The following HNRNPH1 variants were observed in gnomAD, a reference collection of about 807,000 sequenced individuals.
HNRNPH1 encodes the protein heterogeneous nuclear ribonucleoprotein H1, also known as heterogeneous nuclear ribonucleoprotein H.
HNRNPH1 carries 4 observed loss-of-function variants against 58.6 expected under a neutral mutation model. The ratio of observed to expected loss-of-function variants is 0.07; its 90% CI spans 0.03 to 0.16. The LOEUF is 0.16. Ranked by LOEUF, HNRNPH1 falls within the 10% of genes least tolerant of loss-of-function variation. The pLI is 1.00. For synonymous variants in HNRNPH1, 192 were observed against 189.2 expected, an observed-to-expected ratio of 1.01 and a Z score of -0.12; for missense variants, 271 against 564.2, an observed-to-expected ratio of 0.48 and a Z score of 5.26.
intron 10 of HNRNPH1, 99 bp downstream of exon 11, chr5:179,616,770 T>G: frequency 9.3e-7 from 1 of 1,073,804 alleles, no homozygotes; most frequent in Non-Finnish European, 1.4e-6. Context: ...TGCCTAAGTT[T>G]CTTATGCTAA....
chr5:179,616,718 TA>T, intron 10 of HNRNPH1, 150 bp downstream of exon 11: 1 of 677,978 alleles, frequency 1.5e-6, no homozygotes, highest in Non-Finnish European at 2.5e-6. Context: ...CACAAGGATT[TA>T]AGTAAGCCAG....
upstream of HNRNPH1, among the ~76,000 whole-genome samples, chr5:179,626,408 G>C (rs1317151734): frequency 1.3e-5 from 2 of 150,168 alleles, no homozygotes; most frequent in Non-Finnish European, 3.0e-5. Context: ...CTCGGCCAAA[G>C]GTTTTTTTAA....
At chr5:179,625,458 C>G (rs796933782), upstream of HNRNPH1, among the ~76,000 whole-genome samples, 17 of 149,364 alleles carry the variant, frequency 1.1e-4, no homozygotes, top group African/African-American at 4.0e-4. Flanking sequence ...CACCACTGCC[C>G]TCCAGCCTGG....
intron 2 of HNRNPH1, among the ~76,000 whole-genome samples, chr5:179,631,629 C>A (rs1032794190): frequency 5.3e-5 from 8 of 152,114 alleles, no homozygotes; most frequent in African/African-American, 1.4e-4. Flanking sequence ...GGCCTGTAAT[C>A]CCAGCTACTC....
At chr5:179,626,338 C>T (rs1774393264), upstream of HNRNPH1, among the ~76,000 whole-genome samples, 2 of 152,072 alleles carry the variant, frequency 1.3e-5, no homozygotes, top group Admixed American at 1.3e-4. Context: ...CTCCTGACCT[C>T]AAGTGATCTG....
intron 12 of HNRNPH1, 134 bp from the exon 14 acceptor site, chr5:179,615,093 G>A (rs1768874169): frequency 1.6e-6 from 1 of 640,726 alleles, no homozygotes; most frequent in South Asian, 1.8e-5. Flanking sequence ...ACGCATGTTT[G>A]GGAAAGGGGA....
exon 13 of HNRNPH1, chr5:179,614,948 C>T (rs1768787788): frequency 2.6e-6 from 4 of 1,543,854 alleles, no homozygotes; most frequent in Non-Finnish European, 3.5e-6. Context: ...CTGTTCACTG[C>T]TCCTTGGTTA....
exon 1 of HNRNPH1, chr5:179,623,367 G>T (rs764782977): frequency 4.8e-4 from 170 of 351,984 alleles, no homozygotes; most frequent in Non-Finnish European, 8.3e-4. Flanking sequence ...AACCGTGGGG[G>T]CCCGGGCCGA....
upstream of HNRNPH1, among the ~76,000 whole-genome samples, chr5:179,628,878 G>T (rs1199919645): frequency 6.6e-6 from 1 of 152,212 alleles, no homozygotes; most frequent in Non-Finnish European, 1.5e-5. Flanking sequence ...CTACACAGGA[G>T]TGTGAGGTGG....
At position 179,618,329 on chromosome 5, in the gene HNRNPH1, G is replaced by A. The variant is rs1581668064; in HGVS notation, c.537-6C>T. On this transcript the variant is annotated splice_region_variant and splice_polypyrimidine_tract_variant and intron_variant, in intron 4 of 12. Transcript: ENST00000356731. ...TCTTAAAGATTTCAATATACCTAAAGCATTGTTCATAAGGAAGGGGTAGGG... is the reference window on the plus strand; with the variant it reads ...TCTTAAAGATTTCAATATACCTAAAACATTGTTCATAAGGAAGGGGTAGGG... 6.3e-7 allele frequency: 1 copy of A among 1,598,862 alleles called. No homozygotes were observed.
At chr5:179,626,839 G>C (rs532359792), upstream of HNRNPH1, among the ~76,000 whole-genome samples, 2 of 147,248 alleles carry the variant, frequency 1.4e-5, no homozygotes, top group Admixed American at 1.4e-4. Context: ...ACAATGGCGC[G>C]ATCTCCGCTC....
At chr5:179,619,304 C>A (rs1278093735) in exon 4 of HNRNPH1, 1 of 1,613,370 alleles carries the variant, frequency 6.2e-7, no homozygotes. Context: ...TCTTTAGAGC[C>A]TTTTCAGCTA....
chr5:179,620,844 C>A, intron 3 of HNRNPH1, 48 bp downstream of exon 4: 1 of 1,584,318 alleles, frequency 6.3e-7, no homozygotes, highest in South Asian at 1.1e-5. Flanking sequence ...ATCACCTTGC[C>A]ATAAGCTAGC....
chr5:179,614,748 GT>G, exon 13 of HNRNPH1: 1 of 654,684 alleles, frequency 1.5e-6, no homozygotes, highest in Non-Finnish European at 2.6e-6. Context: ...TCACAAGCTT[GT>G]ATTGCAGAAA....
At chr5:179,615,238 C>A in intron 12 of HNRNPH1, 1 of 421,556 alleles carries the variant, frequency 2.4e-6, no homozygotes. Flanking sequence ...TAGTGTTTTT[C>A]AAAAATTGCA....
At chr5:179,615,841 G>A (rs572084474) in intron 11 of HNRNPH1, 49 of 513,736 alleles carry the variant, frequency 9.5e-5, no homozygotes, top group East Asian at 1.5e-4. Context: ...TTTCTGGCTC[G>A]ACAGTATTCC....
At chr5:179,627,872 A>G (rs1467822325), upstream of HNRNPH1, among the ~76,000 whole-genome samples, 6 of 151,582 alleles carry the variant, frequency 4.0e-5, no homozygotes, top group East Asian at 1.2e-3. Flanking sequence ...CAGTGAGCAG[A>G]GATCCTGCCA....
chr5:179,625,777 T>TTTTA (rs71001015), upstream of HNRNPH1, among the ~76,000 whole-genome samples: 60,056 of 150,132 alleles, frequency 0.4, 12,672 homozygotes, highest in East Asian at 0.72. Context: ...AATTTTTATT[T>TTTTA]TTTATTTGTT....
chr5:179,629,484 T>G (rs1701874873), upstream of HNRNPH1: 2 of 120,382 alleles, frequency 1.7e-5, no homozygotes, highest in African/African-American at 6.5e-5. Context: ...TTAGTAGAGA[T>G]AGGTTGGCCA....
Sources: allele counts gnomAD v4.1 joint callset (sites outside exome capture counted in the v4.1 genomes callset), GRCh38; gene constraint gnomAD v4.1.1; transcripts MANE v1.5; gene names NCBI Gene and HGNC (gene_info 2026-07-23, HGNC 2026-07-21).